The following LMX1A variants were observed in gnomAD, a reference collection of about 807,000 sequenced individuals.
LMX1A encodes the protein LIM homeobox transcription factor 1-alpha.
In LMX1A, 15 loss-of-function variants were observed where a neutral mutation model predicts 49.1. That is an observed-to-expected ratio of 0.31 (90% CI 0.20 to 0.47). The LOEUF is 0.47. Among genes scored for constraint, LMX1A ranks in the 20% least tolerant of loss-of-function variants. LMX1A has a pLI of 1.00. For synonymous variants in LMX1A, 167 were observed against 185.7 expected (o/e 0.90, Z 0.82); for missense variants, 372 against 475.8 (o/e 0.78, Z 2.03).
At chr1:165,254,340 A>T (rs928913460) in intron 3 of LMX1A, among the ~76,000 whole-genome samples, 1 of 152,018 alleles carries the variant, frequency 6.6e-6, no homozygotes, top group Admixed American at 6.5e-5. Context: ...AAGTGGCGGG[A>T]GTTGTCTGGG....
rs780748715 is a variant in LMX1A, at chr1:165,205,874, C to T, written c.978G>A (p.Met326Ile). The change falls in exon 8 of 9, where the codon ATG becomes ATA. Residue 326 changes from methionine to isoleucine, a missense_variant. Met to Ile is a conservative substitution (Grantham distance 10). Coordinates refer to ENST00000342310, the MANE Select transcript of LMX1A (RefSeq NM_177398.4). ...LTPPQMPGDH[M>I]HPYGAEPLFH... ...TTAAGTCCCTCTTACCATAAGGGTG[C>T]ATGTGGTCTCCAGGCATCTGGGGTG... is the stretch of plus-strand genomic sequence containing the variant. The T allele has an allele frequency of 1.2e-6, 2 of 1,613,974 alleles. No homozygotes were observed. The highest frequency in any genetic ancestry group is 1.7e-6 in the Non-Finnish European group (2 of 1,180,002).
At chr1:165,335,428 G>C (rs908767663) in intron 3 of LMX1A, among the ~76,000 whole-genome samples, 2 of 151,924 alleles carry the variant, frequency 1.3e-5, no homozygotes, top group African/African-American at 4.8e-5. Context: ...TCGTGGTCTT[G>C]TTTATAAAGG....
At chr1:165,267,353 T>C (rs939508656) in intron 3 of LMX1A, among the ~76,000 whole-genome samples, 1 of 152,234 alleles carries the variant, frequency 6.6e-6, no homozygotes, top group African/African-American at 2.4e-5. Context: ...CAGTAGCATG[T>C]GTCAATACTC....
At chr1:165,332,017 T>C (rs1175594702) in intron 3 of LMX1A, among the ~76,000 whole-genome samples, 1 of 152,170 alleles carries the variant, frequency 6.6e-6, no homozygotes, top group African/African-American at 2.4e-5. Context: ...AACAGATGTA[T>C]ATAGTTCCAA....
intron 3 of LMX1A, among the ~76,000 whole-genome samples, chr1:165,255,292 C>T (rs150933822): frequency 1.6e-4 from 25 of 152,360 alleles, no homozygotes; most frequent in Non-Finnish European, 2.8e-4. Context: ...CCCTGCACCT[C>T]CTCTCACTCT....
intron 3 of LMX1A, among the ~76,000 whole-genome samples, chr1:165,267,156 C>T (rs1653652757): frequency 6.6e-6 from 1 of 152,154 alleles, no homozygotes; most frequent in Non-Finnish European, 1.5e-5. Context: ...AGTTTCCCAC[C>T]ATTTTCCCTG....
At chr1:165,268,837 TACATGTGCTTC>T (rs1653703722) in intron 3 of LMX1A, among the ~76,000 whole-genome samples, 1 of 152,250 alleles carries the variant, frequency 6.6e-6, no homozygotes, top group Admixed American at 6.5e-5. Flanking sequence ...TTTAGCTGTC[TACATGTGCTTC>T]ACATTGTTAT....
intron 3 of LMX1A, among the ~76,000 whole-genome samples, chr1:165,265,753 G>A (rs529114729): frequency 2.8e-4 from 42 of 152,208 alleles, no homozygotes; most frequent in Admixed American, 1.3e-4. Context: ...ACTCCATGAA[G>A]AAAAATATTT....
chr1:165,216,454 A>T (rs1461416260), intron 4 of LMX1A, among the ~76,000 whole-genome samples: 1 of 152,208 alleles, frequency 6.6e-6, no homozygotes, highest in Non-Finnish European at 1.5e-5. Flanking sequence ...GACTTCAGTG[A>T]CATTTCTGAG....
intron 3 of LMX1A, among the ~76,000 whole-genome samples, chr1:165,341,274 T>A (rs1656067769): frequency 6.6e-6 from 1 of 152,174 alleles, no homozygotes; most frequent in Admixed American, 6.5e-5. Flanking sequence ...GTGACCACAG[T>A]AACTAGCACA....
chr1:165,338,301 C>A (rs1338024958), intron 3 of LMX1A, among the ~76,000 whole-genome samples: 1 of 152,154 alleles, frequency 6.6e-6, no homozygotes, highest in African/African-American at 2.4e-5. Context: ...AATGTCAGGG[C>A]AAAGCTGAAA....
chr1:165,355,438 C>A lies in LMX1A; in HGVS notation c.76+46G>T, dbSNP rs1197943292. ...AGAGCGGGGCTCCAGAGCTCAGCGC[C>A]AAGCGGAAAGAGAGTGCGCCCAGGA... On this transcript the variant is annotated intron_variant, in intron 2 of 8. Transcript: ENST00000342310. This position sits in a 1 kb window ranked among gnomAD's most constrained non-coding sequence, Gnocchi z 4.7. The A allele has an allele frequency of 5.0e-6, 8 of 1,596,716 alleles. No individual in the cohort carries two copies. In the East Asian group the frequency reaches 1.3e-4, roughly 27 times the overall value.
intron 4 of LMX1A, among the ~76,000 whole-genome samples, chr1:165,246,575 T>A (rs1652855592): frequency 6.6e-6 from 1 of 152,216 alleles, no homozygotes; most frequent in Non-Finnish European, 1.5e-5. Flanking sequence ...CTGTGTTAAA[T>A]CAAAAATTAC....
At chr1:165,216,826 T>C (rs907560998) in intron 4 of LMX1A, among the ~76,000 whole-genome samples, 1 of 152,354 alleles carries the variant, frequency 6.6e-6, no homozygotes, top group Admixed American at 6.5e-5. Context: ...TTTAGCGTTA[T>C]ATAAATTCAG....
intron 3 of LMX1A, among the ~76,000 whole-genome samples, chr1:165,264,985 C>A (rs1482315339): frequency 6.6e-6 from 1 of 151,964 alleles, no homozygotes; most frequent in African/African-American, 2.4e-5. Flanking sequence ...AGGCAGATCA[C>A]GAGGCCAGGA....
At chr1:165,277,553 C>T (rs1284125848) in intron 3 of LMX1A, among the ~76,000 whole-genome samples, 2 of 152,202 alleles carry the variant, frequency 1.3e-5, no homozygotes, top group African/African-American at 4.8e-5. Context: ...CCTGGGTTGT[C>T]ACTGTGCCAT....
intron 4 of LMX1A, among the ~76,000 whole-genome samples, chr1:165,247,522 C>T (rs1035137788): frequency 2.0e-5 from 3 of 152,156 alleles, no homozygotes; most frequent in African/African-American, 7.2e-5. Context: ...AAATTTCCCT[C>T]AAATCAAAAT....
chr1:165,210,810 T>C, intron 5 of LMX1A, 34 bp from the exon 6 acceptor site: 1 of 1,531,984 alleles, frequency 6.5e-7, no homozygotes, highest in Non-Finnish European at 9.0e-7. Context: ...GTAGACACAC[T>C]GGCATCTCAG....
intron 4 of LMX1A, among the ~76,000 whole-genome samples, chr1:165,229,389 C>T (rs576765342): frequency 5.1e-4 from 78 of 152,286 alleles, no homozygotes; most frequent in African/African-American, 1.9e-3. Flanking sequence ...CCCCCCGTCA[C>T]TTCTATTATT....
Sources: allele counts gnomAD v4.1 joint callset (sites outside exome capture counted in the v4.1 genomes callset), GRCh38; gene constraint gnomAD v4.1.1; non-coding constraint Gnocchi (gnomAD v3.1); transcripts MANE v1.5; gene names NCBI Gene and HGNC (gene_info 2026-07-23, HGNC 2026-07-21).